The following ZNF862 variants were observed in gnomAD, a reference collection of about 807,000 sequenced individuals.
ZNF862 encodes zinc finger protein 862.
Under a neutral mutation model 91.1 loss-of-function variants are expected in ZNF862, and 64 were observed. That is an observed-to-expected ratio of 0.70 (90% CI 0.57 to 0.87). The LOEUF is 0.87. Among genes scored for constraint, ZNF862 ranks in the 40% least tolerant of loss-of-function variants. The probability of loss-of-function intolerance (pLI) is 0.00; values close to 1 mark genes in which losing one functional copy is unlikely to be tolerated. For synonymous variants in ZNF862, 631 were observed against 618.1 expected, an observed-to-expected ratio of 1.02 and a Z score of -0.31; for missense variants, 1,459 against 1,528.0, an observed-to-expected ratio of 0.95 and a Z score of 0.75.
rs1344209746 is a variant in ZNF862, at chr7:149,848,117, G to A, written c.624G>A (p.Ala208=). 1.9e-6 allele frequency: 3 copies of A among 1,614,066 alleles called. No homozygotes were observed. The highest frequency in any genetic ancestry group is 1.7e-5 in the Admixed American group (1 of 60,036). ...AHMFCVNALA[A]RDPIWAARFR... The stretch of plus-strand genomic sequence containing the variant: ...TGTTCTGTGTCAATGCCTTGGCAGC[G>A]AGGGACCCCATCTGGGCAGCCCGGT... Residue 208 remains alanine, a synonymous_variant, in exon 4 of 8, where the codon GCG becomes GCA. Coordinates refer to ENST00000223210, the MANE Select transcript of ZNF862 (RefSeq NM_001099220.3).
intron 5 of ZNF862, among the ~76,000 whole-genome samples, chr7:149,852,352 TGTGTGTGTGTGTGTGTGTGTGAGA>T (rs1802093290): frequency 7.4e-6 from 1 of 135,024 alleles, no homozygotes; most frequent in Non-Finnish European, 1.7e-5. Flanking sequence ...TGTGTGTGTG[TGTGTGTGTGTGTGTGTGTGTGAGA>T]GAGAGAGAGA....
At chr7:149,844,811 C>T in intron 2 of ZNF862, 75 bp downstream of exon 2, 1 of 991,738 alleles carries the variant, frequency 1.0e-6, no homozygotes, top group South Asian at 1.4e-5. Context: ...GTCAGGAACA[C>T]TGGAGAGAGT....
intron 4 of ZNF862, among the ~76,000 whole-genome samples, chr7:149,848,784 G>T (rs896945048): frequency 6.6e-6 from 1 of 152,106 alleles, no homozygotes; most frequent in South Asian, 2.1e-4. Context: ...AAATCACAGA[G>T]CTCTTAAGTA....
rs142845567 is a variant in ZNF862, at chr7:149,855,152, C to T, written c.1118-4270C>T. ...GGTTCAGAAAAATATTGTAGCTATA[C>T]GTATAGACCCAGCAGGAGAGCGTGC... On this transcript the variant is annotated intron_variant, in intron 5 of 7. Transcript: ENST00000223210. This position sits in a 1 kb window ranked among gnomAD's most constrained non-coding sequence, Gnocchi z 4.1. 4.1e-4 allele frequency among the ~76,000 whole-genome samples: 62 copies of T among 152,270 alleles called. No homozygotes were observed. The highest frequency in any genetic ancestry group is 7.2e-4 in the Non-Finnish European group (49 of 68,020).
intron 6 of ZNF862, 75 bp downstream of exon 6, chr7:149,859,601 G>A: frequency 1.7e-6 from 2 of 1,207,358 alleles, no homozygotes; most frequent in Non-Finnish European, 2.3e-6. Flanking sequence ...AACAGCATGA[G>A]CTCAGCTGTG....
At chr7:149,843,538 C>T (rs538306408) in intron 1 of ZNF862, among the ~76,000 whole-genome samples, 14 of 152,176 alleles carry the variant, frequency 9.2e-5, no homozygotes, top group African/African-American at 2.7e-4. Flanking sequence ...TGCCTTCCCT[C>T]CATTTTCTTA....
In ZNF862 at chr7:149,850,370, C is replaced by T. The variant is rs115002088; in HGVS notation, c.1117+32C>T. Reference sequence around the variant, plus strand: ...ACGCACCGAGCCTCTTATTCACCACCCTCCTTTGACTTGGGAAGCCCACAA... The same window carrying T: ...ACGCACCGAGCCTCTTATTCACCACTCTCCTTTGACTTGGGAAGCCCACAA... On this transcript the variant is annotated intron_variant, in intron 5 of 7. Coordinates refer to ENST00000223210, the MANE Select transcript of ZNF862 (RefSeq NM_001099220.3). The surrounding 1 kb of genome is among the most constrained non-coding windows in gnomAD (Gnocchi z 4.2). The T allele has an allele frequency of 1.5e-3, 2,307 of 1,583,580 alleles. 30 individuals carry two copies. The African/African-American group carries it at 0.029, about 20-fold the overall frequency.
At chr7:149,842,647 T>TA (rs1444924973) in intron 1 of ZNF862, among the ~76,000 whole-genome samples, 2 of 152,248 alleles carry the variant, frequency 1.3e-5, no homozygotes, top group African/African-American at 4.8e-5. Context: ...CCTTGGCCCT[T>TA]ATGCTCACCT....
At chr7:149,863,406 T>C (rs1802590085) in intron 7 of ZNF862, among the ~76,000 whole-genome samples, 1 of 146,458 alleles carries the variant, frequency 6.8e-6, no homozygotes, top group Non-Finnish European at 1.5e-5. Context: ...TTTTCACCTC[T>C]GAGTCTGTGG....
At chr7:149,859,614 C>T (rs926681713) in intron 6 of ZNF862, 88 bp downstream of exon 6, 3 of 1,137,506 alleles carry the variant, frequency 2.6e-6, no homozygotes, top group African/African-American at 1.6e-5. Flanking sequence ...CAGCTGTGCT[C>T]ATCTGATGGG....
intron 2 of ZNF862, among the ~76,000 whole-genome samples, chr7:149,845,480 T>C (rs1801838919): frequency 6.6e-6 from 1 of 152,194 alleles, no homozygotes; most frequent in Non-Finnish European, 1.5e-5. Context: ...GGATTGCAGC[T>C]GGGGTGAGTC....
rs61258833 is a variant in ZNF862, at chr7:149,859,872, C to T, written c.1222+346C>T. On this transcript the variant is annotated intron_variant, in intron 6 of 7. Transcript: ENST00000223210. ...CCCTTCTCCCTCCTTCTCCAGTGCT[C>T]GGTGACAGCACTATTGGTTTGTGAG... is the stretch of plus-strand genomic sequence containing the variant. 2,493 of 300,034 alleles carry T rather than the reference C, an allele frequency of 8.3e-3. 59 individuals are homozygous for T. Among genetic ancestry groups the T allele is most frequent in the African/African-American group, 0.051 (2,301 of 45,516 alleles). The allele number at this position is 300,034 out of a possible 1,614,324, so 18.6% of individuals were successfully genotyped here.
At position 149,862,400 on chromosome 7, in the gene ZNF862, C is replaced by T. The variant is rs748460801; in HGVS notation, c.3240C>T (p.Pro1080=). The change falls in exon 7 of 8, where the codon CCC becomes CCT. Residue 1080 remains proline, a synonymous_variant. Coordinates refer to ENST00000223210, the MANE Select transcript of ZNF862 (RefSeq NM_001099220.3). ...VNGVAVTEYD[P]QPAIQHWYLT... The stretch of plus-strand genomic sequence containing the variant: ...GCGTGGCCGTCACGGAGTACGACCC[C>T]CAGCCCGCCATCCAGCACTGGTACC... The T allele has an allele frequency of 1.2e-6, 2 of 1,612,618 alleles. No homozygotes were observed. Among genetic ancestry groups the T allele is most frequent in the Non-Finnish European group, 1.7e-6 (2 of 1,179,630 alleles).
intron 1 of ZNF862, chr7:149,841,068 G>A (rs937686608): frequency 2.0e-6 from 2 of 985,226 alleles, no homozygotes; most frequent in African/African-American, 3.5e-5. Flanking sequence ...AAAGATAGTT[G>A]TTTTCTAATA....
chr7:149,863,820 G>A (rs1021248394), intron 7 of ZNF862, among the ~76,000 whole-genome samples: 1 of 152,188 alleles, frequency 6.6e-6, no homozygotes, highest in East Asian at 1.9e-4. Context: ...CTACCTATTA[G>A]ATAACCACTG....
intron 1 of ZNF862, among the ~76,000 whole-genome samples, chr7:149,842,114 A>G (rs573656928): frequency 2.0e-5 from 3 of 152,240 alleles, no homozygotes; most frequent in Non-Finnish European, 4.4e-5. Flanking sequence ...TGGTTAGGAA[A>G]TCCTTCCTGA....
Position 149,850,634 on chromosome 7 carries a change from G to A in ZNF862, c.1117+296G>A, listed in dbSNP as rs573382939. The A allele has an allele frequency of 2.9e-4, 85 of 297,342 alleles. No homozygotes were observed. The South Asian group carries it at 6.8e-3, about 24-fold the overall frequency. The allele number at this position is 297,342 out of a possible 1,614,324, so 18.4% of individuals were successfully genotyped here. A position where few individuals can be genotyped will look rare whatever the true frequency, so the allele number is the denominator to read the frequency against. On this transcript the variant is annotated intron_variant, in intron 5 of 7. Coordinates refer to ENST00000223210, the MANE Select transcript of ZNF862 (RefSeq NM_001099220.3). This position sits in a 1 kb window ranked among gnomAD's most constrained non-coding sequence, Gnocchi z 4.2. The stretch of plus-strand genomic sequence containing the variant: ...CTGCTTTCAAGGGCCTAGCACGTTT[G>A]TGGGAGAGACAGACATTTTAATAAG...
chr7:149,843,727 T>A (rs1801781036), intron 1 of ZNF862, among the ~76,000 whole-genome samples: 1 of 152,222 alleles, frequency 6.6e-6, no homozygotes, highest in Admixed American at 6.5e-5. Flanking sequence ...GAGCCTCATG[T>A]AAAGGAACCT....
Position 149,862,211 on chromosome 7 carries a change from C to T in ZNF862, c.3051C>T (p.Cys1017=), listed in dbSNP as rs778884848. 11 of 1,613,710 alleles carry T rather than the reference C, an allele frequency of 6.8e-6. No individual in the cohort carries two copies. Among genetic ancestry groups the T allele is most frequent in the Non-Finnish European group, 9.3e-6 (11 of 1,179,890 alleles). The change falls in exon 7 of 8, where the codon TGC becomes TGT. Residue 1017 remains cysteine, a synonymous_variant. Transcript: ENST00000223210. The part of the protein sequence containing the change: ...MLCKNALAQH[C]RFPLLSKLMA... Reference sequence around the variant, plus strand: ...GCAAAAACGCCCTGGCCCAGCACTGCCGCTTCCCCCTGCTAAGCAAGCTCA... The same window carrying T: ...GCAAAAACGCCCTGGCCCAGCACTGTCGCTTCCCCCTGCTAAGCAAGCTCA...
Sources: allele counts gnomAD v4.1 joint callset (sites outside exome capture counted in the v4.1 genomes callset), GRCh38; gene constraint gnomAD v4.1.1; non-coding constraint Gnocchi (gnomAD v3.1); transcripts MANE v1.5; gene names NCBI Gene and HGNC (gene_info 2026-07-23, HGNC 2026-07-21).